FHOD3: variants seen among roughly 807,000 people sequenced by gnomAD.
The protein encoded by FHOD3 is FH1/FH2 domain-containing protein 3.
FHOD3 carries 90 observed loss-of-function variants against 173.0 expected under a neutral mutation model. The observed-to-expected ratio is 0.52, with a 90% CI of 0.44 to 0.62. The LOEUF (loss-of-function observed/expected upper bound fraction) is 0.62. Among genes scored for constraint, FHOD3 ranks in the 20% least tolerant of loss-of-function variants. The probability of loss-of-function intolerance (pLI) is 0.00; values close to 1 mark genes in which losing one functional copy is unlikely to be tolerated. For synonymous variants in FHOD3, 828 were observed against 823.0 expected (o/e 1.01, Z -0.10); for missense variants, 1,945 against 2,034.7 (o/e 0.96, Z 0.85).
Position 36,545,256 on chromosome 18 carries a change from T to C in FHOD3, c.512-31195T>C, listed in dbSNP as rs200278086. Among the ~76,000 whole-genome samples, 7 of 152,316 alleles carry C rather than the reference T, an allele frequency of 4.6e-5. No individual in the cohort carries two copies. The East Asian group carries it at 1.3e-3, about 29-fold the overall frequency. On this transcript the variant is annotated intron_variant, in intron 5 of 28. Transcript: ENST00000590592. The stretch of plus-strand genomic sequence containing the variant: ...CTCTGCCTCATGGAACTTTCCATTC[T>C]GGCCAAGATGATAGACAAGGAACAA...
intron 23 of FHOD3, among the ~76,000 whole-genome samples, chr18:36,745,350 A>G (rs1178676359): frequency 3.9e-5 from 6 of 152,110 alleles, no homozygotes; most frequent in African/African-American, 9.7e-5. Flanking sequence ...ATTTTCCCCA[A>G]AGTGCCATGA....
intron 3 of FHOD3, among the ~76,000 whole-genome samples, chr18:36,392,350 G>A (rs751086629): frequency 2.8e-4 from 43 of 152,280 alleles, no homozygotes; most frequent in Non-Finnish European, 5.6e-4. Flanking sequence ...AGCAGAGTGT[G>A]GGATTATAGT....
At chr18:36,469,319 G>A (rs2053140061) in intron 3 of FHOD3, among the ~76,000 whole-genome samples, 1 of 152,112 alleles carries the variant, frequency 6.6e-6, no homozygotes, top group South Asian at 2.1e-4. Flanking sequence ...ACAAATTAAG[G>A]GGCACGTGTA....
chr18:36,596,215 C>T (rs540646041), intron 7 of FHOD3, among the ~76,000 whole-genome samples: 3 of 151,198 alleles, frequency 2.0e-5, no homozygotes, highest in African/African-American at 4.9e-5. Context: ...AGTGCAGTGG[C>T]GCGATCTCGG....
chr18:36,765,402 C>T (rs1020927846), intron 27 of FHOD3, among the ~76,000 whole-genome samples: 1 of 152,142 alleles, frequency 6.6e-6, no homozygotes, highest in Non-Finnish European at 1.5e-5. Flanking sequence ...TCAGTCTCTA[C>T]GTTCTTCTAT....
At chr18:36,314,753 A>C (rs1236152497) in intron 1 of FHOD3, among the ~76,000 whole-genome samples, 1 of 152,148 alleles carries the variant, frequency 6.6e-6, no homozygotes, top group African/African-American at 2.4e-5. Flanking sequence ...TCAAATGAAA[A>C]ACCAGAGTCT....
At chr18:36,529,630 C>T (rs1465178383) in intron 5 of FHOD3, among the ~76,000 whole-genome samples, 2 of 151,756 alleles carry the variant, frequency 1.3e-5, no homozygotes, top group Non-Finnish European at 2.9e-5. Flanking sequence ...ACCAGCCTGG[C>T]CAACATGGTG....
chr18:36,551,309 C>A (rs1260348723), intron 5 of FHOD3, among the ~76,000 whole-genome samples: 3 of 151,788 alleles, frequency 2.0e-5, no homozygotes, highest in Non-Finnish European at 4.4e-5. Context: ...CATCTATGTC[C>A]CTGACAGATT....
chr18:36,699,397 G>A (rs917013488), intron 17 of FHOD3, among the ~76,000 whole-genome samples: 23 of 152,246 alleles, frequency 1.5e-4, no homozygotes, highest in Non-Finnish European at 8.8e-5. Context: ...AATCTGGCTT[G>A]TTGGCTGGGT....
chr18:36,394,691 C>T (rs1325700164), intron 3 of FHOD3, among the ~76,000 whole-genome samples: 1 of 152,196 alleles, frequency 6.6e-6, no homozygotes, highest in Non-Finnish European at 1.5e-5. Flanking sequence ...TGTTTCAGTT[C>T]ATCTTATGCA....
At chr18:36,628,331 C>T (rs2034265376) in intron 10 of FHOD3, among the ~76,000 whole-genome samples, 1 of 152,160 alleles carries the variant, frequency 6.6e-6, no homozygotes, top group South Asian at 2.1e-4. Context: ...CAGACTCCTT[C>T]CCAGTCAACC....
At chr18:36,767,198 A>T (rs947617006) in intron 27 of FHOD3, among the ~76,000 whole-genome samples, 4 of 152,244 alleles carry the variant, frequency 2.6e-5, no homozygotes, top group Non-Finnish European at 5.9e-5. Context: ...GCCTAATAGC[A>T]AGTAGATCAA....
chr18:36,696,567 C>T (rs2039293263), intron 17 of FHOD3, among the ~76,000 whole-genome samples: 3 of 152,194 alleles, frequency 2.0e-5, no homozygotes, highest in African/African-American at 4.8e-5. Flanking sequence ...GCATGATATG[C>T]CATCTAGTGA....
At chr18:36,744,924 G>T (rs1450634157) in intron 23 of FHOD3, among the ~76,000 whole-genome samples, 1 of 152,152 alleles carries the variant, frequency 6.6e-6, no homozygotes, top group Non-Finnish European at 1.5e-5. Context: ...GAGAGGGCAG[G>T]GGTGGAAAAT....
chr18:36,506,922 C>G (rs2055333975), intron 4 of FHOD3, among the ~76,000 whole-genome samples: 1 of 152,226 alleles, frequency 6.6e-6, no homozygotes, highest in African/African-American at 2.4e-5. Flanking sequence ...GGACCCTCAA[C>G]TACTTTTGAT....
intron 1 of FHOD3, among the ~76,000 whole-genome samples, chr18:36,339,002 T>C (rs563763447): frequency 2.4e-4 from 37 of 152,244 alleles, no homozygotes; most frequent in African/African-American, 8.4e-4. Flanking sequence ...CAGCCCAGCC[T>C]GAGACTTCTG....
At chr18:36,515,463 C>T (rs556236539) in intron 5 of FHOD3, among the ~76,000 whole-genome samples, 10 of 152,138 alleles carry the variant, frequency 6.6e-5, no homozygotes, top group Admixed American at 3.9e-4. Flanking sequence ...CGTGATCACC[C>T]GCCTCTGCCT....
intron 7 of FHOD3, among the ~76,000 whole-genome samples, chr18:36,596,089 A>C (rs1054366340): frequency 6.6e-6 from 1 of 152,104 alleles, no homozygotes; most frequent in African/African-American, 2.4e-5. Flanking sequence ...GTCGGGAAGA[A>C]ACGAGGGGCC....
chr18:36,665,507 AC>A (rs1484591198), intron 14 of FHOD3, among the ~76,000 whole-genome samples: 1 of 151,692 alleles, frequency 6.6e-6, no homozygotes, highest in Non-Finnish European at 1.5e-5. Flanking sequence ...TGTGGGGGAT[AC>A]CCCTGGCAAA....
Sources: gnomAD v4.1 joint callset for allele counts (sites outside exome capture counted in the v4.1 genomes callset) on GRCh38, gnomAD v4.1.1 for gene constraint, MANE v1.5 for transcripts, NCBI Gene and HGNC (gene_info 2026-07-23, HGNC 2026-07-21) for gene names.